The following GIPC3 variants were observed in gnomAD, a reference collection of about 807,000 sequenced individuals.
GIPC3 encodes GIPC PDZ domain containing family member 3.
A neutral mutation model predicts 27.3 loss-of-function variants in GIPC3; 16 were observed. The observed-to-expected ratio is 0.59, with a 90% CI of 0.40 to 0.89. The LOEUF is 0.89. Ranked by LOEUF, GIPC3 falls within the 40% of genes least tolerant of loss-of-function variation. GIPC3 has a pLI of 0.00. For missense variants in GIPC3, 440 were observed against 442.1 expected (o/e 1.00, Z 0.04); for synonymous variants, 194 against 184.6 (o/e 1.05, Z -0.41).
In GIPC3 at chr19:3,593,269, C is replaced by G; in HGVS notation, c.*3079C>G. The stretch of plus-strand genomic sequence containing the variant: ...ACTCTGGGGGAGCCAGGAGCCCGCC[C>G]TTACCGCGGGGGGCCGTAGCTTGGC... On this transcript the variant is annotated 3_prime_UTR_variant, in exon 6 of 6. Transcript: ENST00000644452. 8.1e-7 allele frequency: 1 copy of G among 1,232,512 alleles called. No homozygotes were observed. The highest frequency in any genetic ancestry group is 1.0e-6 in the Non-Finnish European group (1 of 988,268). 76.3% of individuals were successfully genotyped at this position (1,232,512 alleles called of 1,614,324 possible).
chr19:3,590,181 C>G lies in GIPC3; in HGVS notation c.930C>G (p.Ala310=). The G allele has an allele frequency of 6.3e-7, 1 of 1,599,348 alleles. No individual in the cohort carries two copies. The highest frequency in any genetic ancestry group is 8.5e-7 in the Non-Finnish European group (1 of 1,173,976). The stretch of plus-strand genomic sequence containing the variant: ...CCGCCATCGGCGAGGCCAGAGAGGC[C>G]TGTGGCTAGTTTGCCCTGGGGGGGC... The part of the protein sequence containing the change: ...VWAAIGEARE[A]CG Residue 310 remains alanine, a synonymous_variant, in exon 6 of 6, where the codon GCC becomes GCG. Transcript: ENST00000644452.
At chr19:3,589,991 G>A (rs1481227599) in intron 5 of GIPC3, 48 bp from the exon 6 acceptor site, 3 of 1,613,206 alleles carry the variant, frequency 1.9e-6, no homozygotes, top group East Asian at 2.2e-5. Context: ...GCGGGAAGTT[G>A]GGCGCGGGGA....
chr19:3,589,605 C>A, intron 4 of GIPC3, 50 bp downstream of exon 4: 1 of 1,462,146 alleles, frequency 6.8e-7, no homozygotes, highest in Non-Finnish European at 9.6e-7. Flanking sequence ...TTCAGCTCCT[C>A]CACTGAGTCA....
rs2145278596 is a variant in GIPC3 at position 3,592,526 on chromosome 19, A to G, written c.*2336A>G. 1 of 1,218,470 alleles carries G rather than the reference A, an allele frequency of 8.2e-7. No homozygotes were observed. The highest frequency in any genetic ancestry group is 3.2e-5 in the East Asian group (1 of 31,670). 75.5% of individuals were successfully genotyped at this position (1,218,470 alleles called of 1,614,324 possible). ...CTGCAAGAATTCAGCTCAGCCCTGG[A>G]GCTCATCTTAGCTCCAGAACCCAGT... On this transcript the variant is annotated 3_prime_UTR_variant, in exon 6 of 6. Transcript: ENST00000644452.
chr19:3,592,438 C>A lies in GIPC3; in HGVS notation c.*2248C>A, dbSNP rs1367993725. On this transcript the variant is annotated 3_prime_UTR_variant, in exon 6 of 6. Transcript: ENST00000644452. ...TCGGGAACCCAGCTGATTTCCGGAG[C>A]CCAACCCAGCTCCAGAACTCAGACT... 3 of 1,231,928 alleles carry A rather than the reference C, an allele frequency of 2.4e-6. No individual in the cohort carries two copies. The highest frequency in any genetic ancestry group is 1.6e-5 in the African/African-American group (1 of 64,466). The allele number at this position is 1,231,928 out of a possible 1,614,324, so 76.3% of individuals were successfully genotyped here.
rs537708164 is a variant in GIPC3, at chr19:3,587,001, C to T, written c.592+7C>T. ...CAGCCCAAGAGGGCCTTCGGTGAGG[C>T]GGGTGGGCTGGCGGGAGCTCTTCCC... On this transcript the variant is annotated splice_region_variant and intron_variant, in intron 3 of 5. Coordinates refer to ENST00000644452, the MANE Select transcript of GIPC3 (RefSeq NM_133261.3). The T allele has an allele frequency of 1.7e-5, 28 of 1,610,464 alleles. No homozygotes were observed. The South Asian group carries it at 2.3e-4, about 13-fold the overall frequency.
At chr19:3,588,739 T>C (rs1339156260) in intron 3 of GIPC3, among the ~76,000 whole-genome samples, 1 of 151,546 alleles carries the variant, frequency 6.6e-6, no homozygotes, top group East Asian at 1.9e-4. Flanking sequence ...GGTCAGGAGT[T>C]CGAGACCAGC....
chr19:3,591,522 C>T lies in GIPC3; in HGVS notation c.*1332C>T. ...CGGAACCCCAGTTAATTTTGGAACC[C>T]ATGTGAGATTCATGAAGCAGCCCAG... is the stretch of plus-strand genomic sequence containing the variant. On this transcript the variant is annotated 3_prime_UTR_variant, in exon 6 of 6. Transcript: ENST00000644452. The T allele has an allele frequency of 1.6e-6, 2 of 1,232,836 alleles. No homozygotes were observed. The highest frequency in any genetic ancestry group is 2.0e-6 in the Non-Finnish European group (2 of 988,646). 76.4% of individuals were successfully genotyped at this position (1,232,836 alleles called of 1,614,324 possible). A position where few individuals can be genotyped will look rare whatever the true frequency, so the allele number is the denominator to read the frequency against.
intron 3 of GIPC3, 22 bp from the exon 4 acceptor site, chr19:3,589,421 T>C: frequency 1.3e-6 from 2 of 1,568,838 alleles, no homozygotes; most frequent in Non-Finnish European, 1.8e-6. Context: ...CCCATGGCCA[T>C]CCCTCACTCT....
chr19:3,593,162 C>G lies in GIPC3; in HGVS notation c.*2972C>G. ...AGTCCACCCCACCCACCATATCTGTCACTCCTAGTCCTGCCCCTAGGGCAG... is the reference window on the plus strand; with the variant it reads ...AGTCCACCCCACCCACCATATCTGTGACTCCTAGTCCTGCCCCTAGGGCAG... On this transcript the variant is annotated 3_prime_UTR_variant, in exon 6 of 6. Transcript: ENST00000644452. 2.4e-6 allele frequency: 3 copies of G among 1,232,370 alleles called. No homozygotes were observed. Among genetic ancestry groups the G allele is most frequent in the Non-Finnish European group, 3.0e-6 (3 of 988,136 alleles). The allele number at this position is 1,232,370 out of a possible 1,614,324, so 76.3% of individuals were successfully genotyped here.
In GIPC3 at chr19:3,589,931, C is replaced by T; in HGVS notation, c.787+19C>T. On this transcript the variant is annotated intron_variant, in intron 5 of 5. Coordinates refer to ENST00000644452, the MANE Select transcript of GIPC3 (RefSeq NM_133261.3). ...GAGCTGGGTAAGGGGCCAGGGTAAG[C>T]CAGGGGGCCCTGGGGGGAGGGAAGC... is the stretch of plus-strand genomic sequence containing the variant. The T allele has an allele frequency of 6.2e-7, 1 of 1,613,648 alleles. No individual in the cohort carries two copies. Among genetic ancestry groups the T allele is most frequent in the Non-Finnish European group, 8.5e-7 (1 of 1,179,984 alleles).
Position 3,586,995 on chromosome 19 carries a change from G to C in GIPC3, c.592+1G>C, listed in dbSNP as rs1487775690. 6.2e-7 allele frequency: 1 copy of C among 1,611,384 alleles called. No homozygotes were observed. Among genetic ancestry groups the C allele is most frequent in the Non-Finnish European group, 8.5e-7 (1 of 1,179,360 alleles). On this transcript the variant is annotated splice_donor_variant, in intron 3 of 5. Transcript: ENST00000644452. LOFTEE classifies it high-confidence loss of function. ...CTGGTGCAGCCCAAGAGGGCCTTCG[G>C]TGAGGCGGGTGGGCTGGCGGGAGCT... is the stretch of plus-strand genomic sequence containing the variant.
Position 3,592,741 on chromosome 19 carries a change from GA to G in GIPC3, c.*2553del. On this transcript the variant is annotated 3_prime_UTR_variant, in exon 6 of 6. Transcript: ENST00000644452. ...AGCTCTGAAACCCAGACCGGCTCAAGAATTCAGCCCAGCCCTGGAGCCCACC... is the reference window on the plus strand; with the variant it reads ...AGCTCTGAAACCCAGACCGGCTCAAGATTCAGCCCAGCCCTGGAGCCCACC... 1 of 1,231,918 alleles carries G rather than the reference GA, an allele frequency of 8.1e-7. No homozygotes were observed. The highest frequency in any genetic ancestry group is 4.2e-5 in the Admixed American group (1 of 23,718). The allele number at this position is 1,231,918 out of a possible 1,614,324, so 76.3% of individuals were successfully genotyped here. A position where few individuals can be genotyped will look rare whatever the true frequency, so the allele number is the denominator to read the frequency against.
At chr19:3,589,267 C>T (rs1780122419) in intron 3 of GIPC3, among the ~76,000 whole-genome samples, 176 bp from the exon 4 acceptor site, 1 of 152,128 alleles carries the variant, frequency 6.6e-6, no homozygotes, top group Non-Finnish European at 1.5e-5. Context: ...ATTTAGTTTG[C>T]TGGGGATGCG....
chr19:3,592,246 C>G lies in GIPC3; in HGVS notation c.*2056C>G, dbSNP rs2032499215. The G allele has an allele frequency of 8.1e-7, 1 of 1,232,086 alleles. No homozygotes were observed. Among genetic ancestry groups the G allele is most frequent in the South Asian group, 4.1e-5 (1 of 24,312 alleles). 76.3% of individuals were successfully genotyped at this position (1,232,086 alleles called of 1,614,324 possible). A position where few individuals can be genotyped will look rare whatever the true frequency, so the allele number is the denominator to read the frequency against. ...ACTCAATTCGCCTCTAAAACCCTGC[C>G]AGGTTCTAGATACCAGCTCCAGACC... On this transcript the variant is annotated 3_prime_UTR_variant, in exon 6 of 6. Transcript: ENST00000644452.
chr19:3,586,514 A>G lies in GIPC3; in HGVS notation c.245A>G (p.Asn82Ser), dbSNP rs747242422. 34 of 1,613,572 alleles carry G rather than the reference A, an allele frequency of 2.1e-5. No homozygotes were observed. In the South Asian group the frequency reaches 3.1e-4, roughly 15 times the overall value. ...APTEILFCTL[N>S]SHKVDMQKLL... Reference sequence around the variant, plus strand: ...GGGAAGATTTTATTCTGCACCCTCAACAGCCACAAAGTGGACATGCAGAAG... The same window carrying G: ...GGGAAGATTTTATTCTGCACCCTCAGCAGCCACAAAGTGGACATGCAGAAG... The change falls in exon 2 of 6, where the codon AAC (asparagine) becomes AGC (serine). Residue 82 changes from asparagine (N) to serine (S), a missense_variant. By Grantham distance (46) the Asn-to-Ser change is conservative. Coordinates refer to ENST00000644452, the MANE Select transcript of GIPC3 (RefSeq NM_133261.3).
intron 3 of GIPC3, 109 bp downstream of exon 3, chr19:3,587,103 T>A: frequency 2.0e-6 from 2 of 1,006,304 alleles, no homozygotes; most frequent in East Asian, 5.2e-5. Context: ...GTGCACCCGC[T>A]GCGTGCCAAG....
Position 3,592,574 on chromosome 19 carries a change from C to T in GIPC3, c.*2384C>T. 1 of 1,231,778 alleles carries T rather than the reference C, an allele frequency of 8.1e-7. No individual in the cohort carries two copies. Among genetic ancestry groups the T allele is most frequent in the Non-Finnish European group, 1.0e-6 (1 of 987,912 alleles). The allele number at this position is 1,231,778 out of a possible 1,614,324, so 76.3% of individuals were successfully genotyped here. On this transcript the variant is annotated 3_prime_UTR_variant, in exon 6 of 6. Coordinates refer to ENST00000644452, the MANE Select transcript of GIPC3 (RefSeq NM_133261.3). Reference sequence around the variant, plus strand: ...AGTCCAGTCCTGAGACCAGGCTCAGCTCTGAGGCTCAGTCCAGCTCTGGAA... The same window carrying T: ...AGTCCAGTCCTGAGACCAGGCTCAGTTCTGAGGCTCAGTCCAGCTCTGGAA...
Position 3,591,555 on chromosome 19 carries a change from A to G in GIPC3, c.*1365A>G. The G allele has an allele frequency of 1.6e-6, 2 of 1,232,856 alleles. No homozygotes were observed. Among genetic ancestry groups the G allele is most frequent in the Non-Finnish European group, 2.0e-6 (2 of 988,682 alleles). The allele number at this position is 1,232,856 out of a possible 1,614,324, so 76.4% of individuals were successfully genotyped here. A position where few individuals can be genotyped will look rare whatever the true frequency, so the allele number is the denominator to read the frequency against. Reference sequence around the variant, plus strand: ...ATTCATGAAGCAGCCCAGCTCTGGAACCCCAGTCAGCTCAGGATTCAGAGA... The same window carrying G: ...ATTCATGAAGCAGCCCAGCTCTGGAGCCCCAGTCAGCTCAGGATTCAGAGA... On this transcript the variant is annotated 3_prime_UTR_variant, in exon 6 of 6. Transcript: ENST00000644452.
Sources: allele counts gnomAD v4.1 joint callset (sites outside exome capture counted in the v4.1 genomes callset), GRCh38; gene constraint gnomAD v4.1.1; transcripts MANE v1.5; gene names NCBI Gene and HGNC (gene_info 2026-07-23, HGNC 2026-07-21).